Variants in RBFOX1 observed in about 807,000 individuals in gnomAD.
RBFOX1 encodes the protein RNA binding fox-1 homolog 1, also known as RNA binding protein fox-1 homolog 1.
Under a neutral mutation model 57.7 loss-of-function variants are expected in RBFOX1, and 8 were observed. The ratio of observed to expected loss-of-function variants is 0.14; its 90% CI spans 0.08 to 0.25. The LOEUF (loss-of-function observed/expected upper bound fraction) is 0.25. RBFOX1 is among the 10% of genes least tolerant of loss of function. The pLI is 1.00. For missense variants in RBFOX1, 611 were observed against 548.5 expected, an observed-to-expected ratio of 1.11 and a Z score of -1.14; for synonymous variants, 326 against 222.4, an observed-to-expected ratio of 1.47 and a Z score of -4.15.
intron 3 of RBFOX1, among the ~76,000 whole-genome samples, chr16:6,722,268 G>A (rs540136424): frequency 3.9e-4 from 60 of 152,308 alleles, no homozygotes; most frequent in Non-Finnish European, 3.4e-4. Flanking sequence ...TCCACCCACA[G>A]TGCCTAAGAG....
chr16:7,502,183 G>GTTGCAGTAACCAGA (rs2071140791), intron 4 of RBFOX1, among the ~76,000 whole-genome samples: 2 of 151,974 alleles, frequency 1.3e-5, no homozygotes, highest in Non-Finnish European at 2.9e-5. Context: ...GTCTTTGCCT[G>GTTGCAGTAACCAGA]TTGCAGTAAC....
intron 4 of RBFOX1, among the ~76,000 whole-genome samples, chr16:7,474,803 G>A (rs553865143): frequency 3.3e-5 from 5 of 152,170 alleles, no homozygotes; most frequent in African/African-American, 1.2e-4. Context: ...CGTTCACCAT[G>A]AGGGTTCTAA....
chr16:6,005,794 G>C (rs973968812), intron 4 of RBFOX1, among the ~76,000 whole-genome samples: 3 of 152,244 alleles, frequency 2.0e-5, no homozygotes, highest in East Asian at 3.9e-4. Context: ...GGAGTTGGGT[G>C]GATTTTAAAA....
At chr16:5,982,135 A>G (rs1281249332) in intron 4 of RBFOX1, among the ~76,000 whole-genome samples, 1 of 152,176 alleles carries the variant, frequency 6.6e-6, no homozygotes, top group African/African-American at 2.4e-5. Context: ...CTTCTGTGGC[A>G]TGTGGTCCCA....
intron 4 of RBFOX1, among the ~76,000 whole-genome samples, chr16:7,401,083 C>T (rs2098234767): frequency 6.6e-6 from 1 of 152,196 alleles, no homozygotes; most frequent in African/African-American, 2.4e-5. Flanking sequence ...CCAAGACATC[C>T]AGGAGAATTT....
chr16:5,824,200 G>C (rs1421536216), intron 3 of RBFOX1, among the ~76,000 whole-genome samples: 1 of 152,220 alleles, frequency 6.6e-6, no homozygotes, highest in East Asian at 1.9e-4. Context: ...TCCGGGCCCA[G>C]GACAGAGTAG....
intron 3 of RBFOX1, among the ~76,000 whole-genome samples, chr16:6,953,320 C>T (rs903765950): frequency 6.6e-6 from 1 of 152,106 alleles, no homozygotes; most frequent in South Asian, 2.1e-4. Flanking sequence ...TTTATGGAGT[C>T]TCTTTCACCA....
intron 2 of RBFOX1, among the ~76,000 whole-genome samples, chr16:6,328,887 A>G (rs2082682594): frequency 4.6e-5 from 7 of 152,128 alleles, no homozygotes; most frequent in Admixed American, 4.6e-4. Flanking sequence ...GTGCTCTGAT[A>G]AGGAAGAAGA....
Position 5,332,872 on chromosome 16 carries a change from A to G in RBFOX1, c.219+92767A>G, listed in dbSNP as rs371571663. On this transcript the variant is annotated intron_variant, in intron 1 of 2. Coordinates refer to the RBFOX1 transcript ENST00000585867. Reference sequence around the variant, plus strand: ...TCTGTTCCCGAGTCACCAGGTAGGAACAAGTTATCTTTCATTAAAAACTAC... The same window carrying G: ...TCTGTTCCCGAGTCACCAGGTAGGAGCAAGTTATCTTTCATTAAAAACTAC... Among the ~76,000 whole-genome samples, 80 of 152,306 alleles carry G rather than the reference A, an allele frequency of 5.3e-4. 1 individual carries two copies. In the South Asian group the frequency reaches 0.011, roughly 21 times the overall value.
chr16:6,799,677 A>G (rs1432526792), intron 3 of RBFOX1, among the ~76,000 whole-genome samples: 7 of 152,260 alleles, frequency 4.6e-5, no homozygotes, highest in Non-Finnish European at 1.0e-4. Flanking sequence ...AGAAGGTGGG[A>G]TGAGCTAGTT....
At chr16:5,792,562 G>T (rs937326910) in intron 3 of RBFOX1, among the ~76,000 whole-genome samples, 1 of 152,184 alleles carries the variant, frequency 6.6e-6, no homozygotes, top group Non-Finnish European at 1.5e-5. Context: ...CATAAATATG[G>T]CTGGGTGCAG....
At chr16:5,830,726 T>G (rs1488288675) in intron 3 of RBFOX1, among the ~76,000 whole-genome samples, 1 of 152,230 alleles carries the variant, frequency 6.6e-6, no homozygotes, top group African/African-American at 2.4e-5. Flanking sequence ...CACTGCCATC[T>G]TTGCCACCAT....
At position 7,425,296 on chromosome 16, in the gene RBFOX1, C is replaced by T. The variant is rs143180105; in HGVS notation, c.28-92851C>T. 8.7e-3 allele frequency among the ~76,000 whole-genome samples: 1,327 copies of T among 152,266 alleles called. 16 individuals carry two copies. The highest frequency in any genetic ancestry group is 0.048 in the Middle Eastern group (14 of 294). On this transcript the variant is annotated intron_variant, in intron 4 of 15. Coordinates refer to ENST00000550418, the MANE Select transcript of RBFOX1 (RefSeq NM_018723.4). The stretch of plus-strand genomic sequence containing the variant: ...GGGTTTAATTTTTTCACTATGACTT[C>T]TTATAAACCCGCAAGGGGTCTATTT...
intron 4 of RBFOX1, among the ~76,000 whole-genome samples, chr16:7,219,961 A>T (rs1386209759): frequency 6.6e-6 from 1 of 152,224 alleles, no homozygotes; most frequent in African/African-American, 2.4e-5. Flanking sequence ...TCTGAATTCA[A>T]ACCAATTGAA....
At chr16:5,577,322 C>G (rs138662182) in intron 2 of RBFOX1, among the ~76,000 whole-genome samples, 4 of 152,170 alleles carry the variant, frequency 2.6e-5, no homozygotes, top group African/African-American at 7.2e-5. Context: ...TCAAGCTCTT[C>G]CTTCAGTTTG....
In RBFOX1 at chr16:7,438,620, A is replaced by T. The variant is rs149655646; in HGVS notation, c.28-79527A>T. ...TGCGTGTCTGCATTTAGCCATTGAA[A>T]ATATAATCAGGCTAATGCATTCTCT... On this transcript the variant is annotated intron_variant, in intron 4 of 15. Coordinates refer to ENST00000550418, the MANE Select transcript of RBFOX1 (RefSeq NM_018723.4). Among the ~76,000 whole-genome samples, 667 of 152,312 alleles carry T rather than the reference A, an allele frequency of 4.4e-3. 4 individuals carry two copies. The highest frequency in any genetic ancestry group is 0.015 in the African/African-American group (641 of 41,564).
chr16:6,346,440 C>T (rs553382905), intron 2 of RBFOX1, among the ~76,000 whole-genome samples: 4 of 152,278 alleles, frequency 2.6e-5, no homozygotes, highest in South Asian at 2.1e-4. Flanking sequence ...CAGCCAATCA[C>T]GGCAGCTCAG....
chr16:6,958,872 T>C (rs1303927472), intron 3 of RBFOX1, among the ~76,000 whole-genome samples: 1 of 152,138 alleles, frequency 6.6e-6, no homozygotes, highest in African/African-American at 2.4e-5. Context: ...TATTACCTTT[T>C]TTTGAGAACT....
At chr16:7,634,799 C>T (rs959466026) in intron 11 of RBFOX1, among the ~76,000 whole-genome samples, 4 of 152,146 alleles carry the variant, frequency 2.6e-5, no homozygotes, top group African/African-American at 9.7e-5. Context: ...TCTTACACGT[C>T]CTAATAAACT....
Sources: gnomAD v4.1 joint callset for allele counts (sites outside exome capture counted in the v4.1 genomes callset) on GRCh38, gnomAD v4.1.1 for gene constraint, MANE v1.5 for transcripts, NCBI Gene and HGNC (gene_info 2026-07-23, HGNC 2026-07-21) for gene names.